XPO7: variants seen among roughly 807,000 people sequenced by gnomAD.
XPO7 encodes the protein exportin 7.
Under a neutral mutation model 144.3 loss-of-function variants are expected in XPO7, and 21 were observed. That is an observed-to-expected ratio of 0.15 (90% CI 0.10 to 0.21). XPO7 has a LOEUF of 0.21. XPO7 is among the 10% of genes least tolerant of loss of function. XPO7 has a pLI of 1.00. For missense variants in XPO7, 808 were observed against 1,325.8 expected, an observed-to-expected ratio of 0.61 and a Z score of 6.06; for synonymous variants, 580 against 499.6, an observed-to-expected ratio of 1.16 and a Z score of -2.15.
intron 18 of XPO7, 22 bp from the exon 19 acceptor site, chr8:21,991,846 C>T: frequency 6.3e-7 from 1 of 1,593,158 alleles, no homozygotes; most frequent in East Asian, 2.3e-5. Context: ...TGGGGTTACA[C>T]CCTGGGATGT....
intron 1 of XPO7, among the ~76,000 whole-genome samples, chr8:21,921,988 G>A (rs1444547250): frequency 2.6e-5 from 4 of 152,174 alleles, no homozygotes; most frequent in African/African-American, 9.6e-5. Flanking sequence ...GGTATAATGA[G>A]TAAATAAAGG....
intron 4 of XPO7, 61 bp downstream of exon 4, chr8:21,970,371 C>A (rs1585453056): frequency 1.1e-6 from 1 of 876,764 alleles, no homozygotes; most frequent in Non-Finnish European, 1.5e-6. Context: ...TATATATAAA[C>A]ACACACACAC....
Position 21,990,424 on chromosome 8 carries a change from T to C in XPO7, c.1932+17T>C. 1 of 1,613,252 alleles carries C rather than the reference T, an allele frequency of 6.2e-7. No individual in the cohort carries two copies. Among genetic ancestry groups the C allele is most frequent in the Non-Finnish European group, 8.5e-7 (1 of 1,179,304 alleles). ...AATCACACGGTGAGTGATTTTAGCT[T>C]TTTTTCCTGGCCCTCCTACCACCCA... On this transcript the variant is annotated intron_variant, in intron 17 of 27. Transcript: ENST00000252512.
intron 1 of XPO7, among the ~76,000 whole-genome samples, chr8:21,933,601 CTG>C (rs1385135643): frequency 2.6e-5 from 4 of 152,254 alleles, no homozygotes; most frequent in African/African-American, 9.6e-5. Flanking sequence ...TCTATTAACA[CTG>C]TAACATTTTT....
Position 21,948,540 on chromosome 8 carries a change from G to A in XPO7, c.19-18317G>A, listed in dbSNP as rs1421869163. Among the ~76,000 whole-genome samples, 4 of 152,026 alleles carry A rather than the reference G, an allele frequency of 2.6e-5. No homozygotes were observed. In the East Asian group the frequency reaches 5.8e-4, roughly 22 times the overall value. ...CTCAGAATGTATCCCCATCGATAAC[G>A]CAAGGCATGACTATACTTTAAAGGA... is the stretch of plus-strand genomic sequence containing the variant. On this transcript the variant is annotated intron_variant, in intron 1 of 27. Coordinates refer to ENST00000252512, the MANE Select transcript of XPO7 (RefSeq NM_015024.5).
At chr8:21,990,692 C>A in intron 17 of XPO7, 119 bp from the exon 18 acceptor site, 1 of 1,074,198 alleles carries the variant, frequency 9.3e-7, no homozygotes, top group Non-Finnish European at 1.4e-6. Context: ...CCTTCAGATC[C>A]TCAAGGAATG....
At chr8:21,999,028 A>G in intron 22 of XPO7, 63 bp from the exon 23 acceptor site, 1 of 1,590,094 alleles carries the variant, frequency 6.3e-7, no homozygotes. Flanking sequence ...TTGGAGTAGG[A>G]AGGCTGATCT....
At chr8:21,947,739 A>G (rs1011495044) in intron 1 of XPO7, among the ~76,000 whole-genome samples, 1 of 152,228 alleles carries the variant, frequency 6.6e-6, no homozygotes, top group Non-Finnish European at 1.5e-5. Context: ...TTAAGAACGT[A>G]TATTCATCAA....
intron 1 of XPO7, among the ~76,000 whole-genome samples, chr8:21,961,554 A>G (rs1270616501): frequency 1.3e-5 from 2 of 152,008 alleles, no homozygotes; most frequent in South Asian, 2.1e-4. Context: ...TTTCCAATGT[A>G]TTTGAATCAG....
At position 22,005,111 on chromosome 8, in the gene XPO7, A is replaced by T. The variant is rs767720900; in HGVS notation, c.*23A>T. 6 of 1,587,798 alleles carry T rather than the reference A, an allele frequency of 3.8e-6. No homozygotes were observed. Among genetic ancestry groups the T allele is most frequent in the Non-Finnish European group, 5.2e-6 (6 of 1,160,098 alleles). ...TGACACCTCCTTGGACTCTACCTGT[A>T]CAGAGCAGCGTCCCTTTGGTTTGGC... On this transcript the variant is annotated 3_prime_UTR_variant, in exon 28 of 28. Transcript: ENST00000252512.
intron 4 of XPO7, 148 bp downstream of exon 4, chr8:21,970,458 G>C (rs1812019727): frequency 2.2e-6 from 2 of 912,698 alleles, no homozygotes. Context: ...ATTCTCTTCT[G>C]CATGTTTTTT....
intron 1 of XPO7, among the ~76,000 whole-genome samples, chr8:21,922,862 A>G (rs1436883065): frequency 6.6e-6 from 1 of 152,140 alleles, no homozygotes; most frequent in Non-Finnish European, 1.5e-5. Context: ...TGACTGTACT[A>G]GGAGAATGTA....
intron 1 of XPO7, among the ~76,000 whole-genome samples, chr8:21,958,491 A>C (rs1811611575): frequency 6.6e-6 from 1 of 152,116 alleles, no homozygotes; most frequent in South Asian, 2.1e-4. Context: ...ATTTCACCAT[A>C]AGTTACATCA....
intron 1 of XPO7, among the ~76,000 whole-genome samples, chr8:21,965,751 A>C (rs896293389): frequency 4.9e-4 from 74 of 152,324 alleles, no homozygotes; most frequent in African/African-American, 1.7e-3. Flanking sequence ...TTATAAAGAC[A>C]CAGTGTAATG....
At chr8:21,963,694 CAAA>C (rs5890015) in intron 1 of XPO7, among the ~76,000 whole-genome samples, 21 of 131,252 alleles carry the variant, frequency 1.6e-4, no homozygotes, top group African/African-American at 2.9e-4. Flanking sequence ...GACTCCGTCT[CAAA>C]AAAAAAAAAA....
chr8:21,929,060 C>T (rs1469243489), intron 1 of XPO7, among the ~76,000 whole-genome samples: 1 of 152,182 alleles, frequency 6.6e-6, no homozygotes, highest in Non-Finnish European at 1.5e-5. Context: ...TGTTTCTAAC[C>T]CAAGCCCAGT....
chr8:21,941,391 A>G (rs894812769), intron 1 of XPO7, among the ~76,000 whole-genome samples: 3 of 152,018 alleles, frequency 2.0e-5, no homozygotes, highest in Non-Finnish European at 2.9e-5. Context: ...GGGTCAAGCA[A>G]CCCTCTCGCC....
chr8:21,957,788 T>C (rs1811587632), intron 1 of XPO7, among the ~76,000 whole-genome samples: 1 of 152,224 alleles, frequency 6.6e-6, no homozygotes, highest in South Asian at 2.1e-4. Context: ...CTGTGCTCAC[T>C]GGGATTATAG....
Position 21,966,964 on chromosome 8 carries a change from T to G in XPO7, c.126T>G (p.Asp42Glu). ...KALVEFTNSP[D>E]CLSKCQLLLE... is the part of the protein sequence containing the mutation. Reference sequence around the variant, plus strand: ...TGGTTGAATTTACCAACAGCCCTGATTGCCTGAGCAAGTGCCAGCTACTCC... The same window carrying G: ...TGGTTGAATTTACCAACAGCCCTGAGTGCCTGAGCAAGTGCCAGCTACTCC... The change falls in exon 2 of 28, where the codon GAT becomes GAG. Residue 42 changes from aspartate to glutamate, a missense_variant. Asp to Glu is a conservative substitution (Grantham distance 45, BLOSUM62 2). This residue lies in a region of XPO7 where 223 missense variants were observed against 368.8 expected (regional missense o/e 0.60). Transcript: ENST00000252512. 6.2e-7 allele frequency: 1 copy of G among 1,613,932 alleles called. No individual in the cohort carries two copies. The highest frequency in any genetic ancestry group is 8.5e-7 in the Non-Finnish European group (1 of 1,179,844).
Sources: allele counts gnomAD v4.1 joint callset (sites outside exome capture counted in the v4.1 genomes callset), GRCh38; gene constraint gnomAD v4.1.1; regional missense constraint gnomAD v4.1.1; transcripts MANE v1.5; gene names NCBI Gene and HGNC (gene_info 2026-07-23, HGNC 2026-07-21).